The following CSTPP1 variants were observed in gnomAD, a reference collection of about 807,000 sequenced individuals.
CSTPP1 encodes centriolar satellite-associated tubulin polyglutamylase complex regulator 1, also known as UPF0705 protein C11orf49.
chr11:47,116,675 G>GT, the CSTPP1 span, among the ~76,000 whole-genome samples: 55,298 of 84,434 alleles, frequency 0.65, 19,538 homozygotes, highest in South Asian at 0.86. Flanking sequence ...TGCTTGGTAG[G>GT]TTTTTTTTTT....
chr11:47,093,374 A>C, the CSTPP1 span, among the ~76,000 whole-genome samples: 103 of 152,196 alleles, frequency 6.8e-4, 1 homozygote, highest in Non-Finnish European at 1.2e-3. Flanking sequence ...AGAGGCTATA[A>C]TGAAGAAGGT....
chr11:47,130,270 C>CA, the CSTPP1 span, among the ~76,000 whole-genome samples: 225 of 149,248 alleles, frequency 1.5e-3, 2 homozygotes, highest in East Asian at 5.5e-3. Flanking sequence ...AAAAAAAAAC[C>CA]AAAAAAAAAC....
At chr11:46,951,371 A>G in the CSTPP1 span, among the ~76,000 whole-genome samples, 1 of 148,340 alleles carries the variant, frequency 6.7e-6, no homozygotes, top group Non-Finnish European at 1.5e-5. Context: ...ATCATGGCTC[A>G]GTGTAGCCTC....
At chr11:46,990,542 T>C in the CSTPP1 span, among the ~76,000 whole-genome samples, 1 of 152,212 alleles carries the variant, frequency 6.6e-6, no homozygotes, top group African/African-American at 2.4e-5. Context: ...TATTAGACCT[T>C]TGTTGGATGC....
At chr11:47,093,253 T>C in the CSTPP1 span, among the ~76,000 whole-genome samples, 1 of 152,228 alleles carries the variant, frequency 6.6e-6, no homozygotes, top group Non-Finnish European at 1.5e-5. Flanking sequence ...TTAAAAGGCA[T>C]GATAGCAGGC....
the CSTPP1 span, among the ~76,000 whole-genome samples, chr11:47,146,221 CG>C: frequency 6.6e-6 from 1 of 151,800 alleles, no homozygotes; most frequent in Non-Finnish European, 1.5e-5. Context: ...AAAAATTAGC[CG>C]GGCATGGTGG....
chr11:47,028,846 C>CTT, the CSTPP1 span, among the ~76,000 whole-genome samples: 1 of 150,046 alleles, frequency 6.7e-6, no homozygotes, highest in African/African-American at 2.4e-5. Flanking sequence ...TTTTTTTCTT[C>CTT]TTTTTTTTTG....
At chr11:47,066,093 G>GGT in the CSTPP1 span, among the ~76,000 whole-genome samples, 1 of 39,292 alleles carries the variant, frequency 2.5e-5, no homozygotes, top group African/African-American at 1.5e-4. Flanking sequence ...TGCCTTGTGG[G>GGT]TTTTTTTTTT....
the CSTPP1 span, among the ~76,000 whole-genome samples, chr11:47,117,246 T>A: frequency 6.6e-6 from 1 of 152,334 alleles, no homozygotes; most frequent in Non-Finnish European, 1.5e-5. Flanking sequence ...TCTTTACAAT[T>A]TGGCATGTTT....
the CSTPP1 span, among the ~76,000 whole-genome samples, chr11:46,972,645 C>T: frequency 6.6e-6 from 1 of 152,182 alleles, no homozygotes; most frequent in Non-Finnish European, 1.5e-5. Context: ...TTTGCTACCT[C>T]ATATTTTATG....
the CSTPP1 span, among the ~76,000 whole-genome samples, chr11:47,038,393 T>A: frequency 1.4e-5 from 1 of 71,306 alleles, no homozygotes; most frequent in Non-Finnish European, 3.3e-5. Flanking sequence ...CACTTCCCAG[T>A]AGGGGCGGCC....
chr11:47,082,687 T>C, the CSTPP1 span, among the ~76,000 whole-genome samples: 1 of 151,922 alleles, frequency 6.6e-6, no homozygotes, highest in African/African-American at 2.4e-5. Context: ...CCAAGAAAAA[T>C]ACCCCGTACA....
At chr11:47,146,794 T>C in the CSTPP1 span, among the ~76,000 whole-genome samples, 14 of 152,186 alleles carry the variant, frequency 9.2e-5, no homozygotes, top group Non-Finnish European at 1.5e-5. Flanking sequence ...AAGGAAAGAA[T>C]AAAGTGTGGC....
the CSTPP1 span, among the ~76,000 whole-genome samples, chr11:47,039,330 G>A: frequency 3.1e-5 from 4 of 127,786 alleles, 1 homozygote; most frequent in South Asian, 5.0e-4. Flanking sequence ...GCGAAACCCC[G>A]TCTCCACCAA....
At chr11:47,123,789 T>G in the CSTPP1 span, among the ~76,000 whole-genome samples, 4 of 152,102 alleles carry the variant, frequency 2.6e-5, no homozygotes, top group Non-Finnish European at 4.4e-5. Context: ...TCACCTGAGG[T>G]CAGGAATTCA....
At chr11:46,962,935 C>T in the CSTPP1 span, among the ~76,000 whole-genome samples, 317 of 152,248 alleles carry the variant, frequency 2.1e-3, 2 homozygotes, top group African/African-American at 7.3e-3. Context: ...GCCTGGGCAA[C>T]GGGAGTGAGA....
the CSTPP1 span, among the ~76,000 whole-genome samples, chr11:47,024,162 A>G: frequency 1.3e-5 from 2 of 151,414 alleles, no homozygotes; most frequent in Non-Finnish European, 2.9e-5. Flanking sequence ...TGGGCTCAAG[A>G]GATCCTCTTG....
At chr11:47,028,024 C>T in the CSTPP1 span, among the ~76,000 whole-genome samples, 2 of 150,514 alleles carry the variant, frequency 1.3e-5, no homozygotes, top group Admixed American at 6.7e-5. Flanking sequence ...CCTGGGTTCA[C>T]GCCATTCTCC....
At chr11:47,028,175 G>A in the CSTPP1 span, among the ~76,000 whole-genome samples, 2 of 151,936 alleles carry the variant, frequency 1.3e-5, no homozygotes, top group Non-Finnish European at 2.9e-5. Context: ...CGCCCGCCTC[G>A]GCCTCCCAAA....
Sources: gnomAD v4.1 joint callset for allele counts (sites outside exome capture counted in the v4.1 genomes callset) on GRCh38, gnomAD v4.1.1 for gene constraint, MANE v1.5 for transcripts, NCBI Gene and HGNC (gene_info 2026-07-23, HGNC 2026-07-21) for gene names.